NID2: variants seen among roughly 807,000 people sequenced by gnomAD.
The protein encoded by NID2 is nidogen 2, also known as nidogen-2.
A neutral mutation model predicts 145.4 loss-of-function variants in NID2; 83 were observed. The ratio of observed to expected loss-of-function variants is 0.57; its 90% CI spans 0.48 to 0.69. The LOEUF (loss-of-function observed/expected upper bound fraction) is 0.69, where lower values mean the gene tolerates loss of function less well. Among genes scored for constraint, NID2 ranks in the 30% least tolerant of loss-of-function variants. NID2 has a pLI of 0.00. For missense variants in NID2, 1,807 were observed against 1,765.7 expected, an observed-to-expected ratio of 1.02 and a Z score of -0.42; for synonymous variants, 739 against 701.3, an observed-to-expected ratio of 1.05 and a Z score of -0.85.
At chr14:52,016,193 C>G (rs1182502866) in intron 14 of NID2, among the ~76,000 whole-genome samples, 1 of 152,166 alleles carries the variant, frequency 6.6e-6, no homozygotes, top group South Asian at 2.1e-4. Context: ...ACAGGTTGTT[C>G]TGAGAAGACT....
At chr14:52,041,682 G>A (rs955411359) in intron 7 of NID2, among the ~76,000 whole-genome samples, 6 of 152,048 alleles carry the variant, frequency 3.9e-5, no homozygotes, top group African/African-American at 1.2e-4. Flanking sequence ...GGGGTGCACC[G>A]GCCTATACTA....
chr14:52,013,611 C>T (rs942356854), intron 16 of NID2, among the ~76,000 whole-genome samples: 44 of 152,072 alleles, frequency 2.9e-4, no homozygotes, highest in African/African-American at 9.9e-4. Context: ...GACAGCCACC[C>T]TTTTTTTTCC....
chr14:52,017,501 C>A (rs1829486308), intron 14 of NID2, among the ~76,000 whole-genome samples: 1 of 152,086 alleles, frequency 6.6e-6, no homozygotes, highest in South Asian at 2.1e-4. Context: ...TCGTCATTCA[C>A]TTCTCAGTCT....
intron 9 of NID2, among the ~76,000 whole-genome samples, chr14:52,035,211 T>C (rs1892011890): frequency 6.6e-6 from 1 of 152,144 alleles, no homozygotes; most frequent in Admixed American, 6.5e-5. Flanking sequence ...ATAACCAACA[T>C]TACAATATCA....
chr14:52,017,818 C>CT (rs1891266848), intron 14 of NID2, among the ~76,000 whole-genome samples: 1 of 150,882 alleles, frequency 6.6e-6, no homozygotes, highest in South Asian at 2.1e-4. Flanking sequence ...AAGACCTGAC[C>CT]TTTTTTTAAA....
chr14:52,027,245 C>T lies in NID2; in HGVS notation c.2630G>A (p.Cys877Tyr). 1 of 1,586,060 alleles carries T rather than the reference C, an allele frequency of 6.3e-7. No homozygotes were observed. Among genetic ancestry groups the T allele is most frequent in the Non-Finnish European group, 8.6e-7 (1 of 1,166,664 alleles). Reference protein sequence around the residue: ...CVHHGGSTFSCACLPGYAGDG... With the variant: ...CVHHGGSTFSYACLPGYAGDG... ...GCCGGCATAACCAGGCAGGCAGGCA[C>T]AGCTGAACGTGCTGCCTCCATGGTG... The change falls in exon 12 of 22, where the codon TGT becomes TAT. Residue 877 changes from cysteine to tyrosine, a missense_variant. Cys to Tyr is a radical substitution (Grantham distance 194). Transcript: ENST00000216286.
intron 9 of NID2, among the ~76,000 whole-genome samples, chr14:52,031,835 C>T (rs1462231618): frequency 3.9e-5 from 6 of 152,360 alleles, no homozygotes; most frequent in African/African-American, 1.4e-4. Context: ...ACTGAGCCTT[C>T]AATGAGGACA....
At chr14:52,060,381 AGAG>A (rs1892989234) in intron 2 of NID2, 25 bp from the exon 3 acceptor site, 31 of 1,078,092 alleles carry the variant, frequency 2.9e-5, no homozygotes, top group East Asian at 5.8e-5. Flanking sequence ...AAAAAAAAAG[AGAG>A]AGAGAGAGAG....
chr14:52,067,409 ACT>A (rs1168375009), intron 2 of NID2, among the ~76,000 whole-genome samples: 6 of 152,072 alleles, frequency 3.9e-5, no homozygotes, highest in Admixed American at 2.6e-4. Context: ...AGAAGAAAAA[ACT>A]CTGAAAATGT....
chr14:52,060,428 A>G, intron 2 of NID2, 72 bp from the exon 3 acceptor site: 1 of 838,208 alleles, frequency 1.2e-6, no homozygotes. Context: ...TAAAAGAAGA[A>G]AGAAACAGAA....
intron 12 of NID2, among the ~76,000 whole-genome samples, chr14:52,023,331 G>C (rs1891467212): frequency 7.7e-6 from 1 of 129,958 alleles, no homozygotes; most frequent in South Asian, 2.4e-4. Flanking sequence ...ACCAAAATTA[G>C]CTGGGCATGC....
At chr14:52,037,709 T>A (rs183370041) in intron 9 of NID2, among the ~76,000 whole-genome samples, 36 of 152,338 alleles carry the variant, frequency 2.4e-4, no homozygotes, top group Non-Finnish European at 2.9e-5. Flanking sequence ...CTGATAGGGA[T>A]TATGTTGAAT....
intron 9 of NID2, among the ~76,000 whole-genome samples, 158 bp downstream of exon 9, chr14:52,038,589 C>G (rs1382459249): frequency 2.6e-5 from 4 of 151,658 alleles, no homozygotes; most frequent in African/African-American, 9.7e-5. Context: ...TTTTCTGCCT[C>G]TGTTTCCAAC....
intron 5 of NID2, among the ~76,000 whole-genome samples, chr14:52,053,354 A>T (rs751500149): frequency 1.3e-5 from 2 of 152,180 alleles, no homozygotes; most frequent in Non-Finnish European, 2.9e-5. Context: ...CATATTTTAA[A>T]AAAACATTAT....
Position 52,035,856 on chromosome 14 carries a change from GTATATATATA to G in NID2, c.2257+2881_2257+2890del, listed in dbSNP as rs60735637. ...ACCACACCTGGCTAAATTTTTTTGT[GTATATATATA>G]TATATATATATATGTTTTATTTTGT... On this transcript the variant is annotated intron_variant, in intron 9 of 21. Coordinates refer to ENST00000216286, the MANE Select transcript of NID2 (RefSeq NM_007361.4). Among the ~76,000 whole-genome samples, 5 of 65,294 alleles carry G rather than the reference GTATATATATA, an allele frequency of 7.7e-5. 1 individual carries two copies. The highest frequency in any genetic ancestry group is 5.1e-4 in the South Asian group (1 of 1,952). The allele number at this position is 65,294 out of a possible 152,430, so 42.8% of individuals were successfully genotyped here.
chr14:52,005,807 A>G lies in NID2; in HGVS notation c.4047T>C (p.Thr1349=). Residue 1349 remains threonine (T), a synonymous_variant, in exon 21 of 22, where the codon ACT becomes ACC. Coordinates refer to ENST00000216286, the MANE Select transcript of NID2 (RefSeq NM_007361.4). The part of the protein sequence containing the change: ...VSVNKHSGQF[T]DEYLPEQRSH... ...ATCGTTGTTCTGGGAGATACTCATC[A>G]GTAAACTGGCCACTATGTTTATTTA... The G allele has an allele frequency of 6.2e-7, 1 of 1,613,926 alleles. No homozygotes were observed. The highest frequency in any genetic ancestry group is 8.5e-7 in the Non-Finnish European group (1 of 1,179,780).
At chr14:52,019,625 G>GT (rs1234770125) in intron 13 of NID2, among the ~76,000 whole-genome samples, 1 of 151,928 alleles carries the variant, frequency 6.6e-6, no homozygotes, top group Non-Finnish European at 1.5e-5. Flanking sequence ...AGGCCCACAG[G>GT]TTAAGTCTGA....
chr14:52,066,230 T>C (rs1381808087), intron 2 of NID2, among the ~76,000 whole-genome samples: 1 of 150,578 alleles, frequency 6.6e-6, no homozygotes, highest in African/African-American at 2.5e-5. Context: ...ATTTAAAGAG[T>C]CCTTATGCAA....
Position 52,015,176 on chromosome 14 carries a change from CACTGGGGCACGT to C in NID2, c.3116_3127del (p.Tyr1039_Gln1042del). On this transcript the variant is annotated inframe_deletion, in exon 15 of 22. Transcript: ENST00000216286. ...GGGGATGAAGTGGCCCAGGTCATCG[CACTGGGGCACGT>C]ACTGGTCATCCCGGGGGGTGCCACC... The C allele has an allele frequency of 6.2e-7, 1 of 1,614,026 alleles. No homozygotes were observed. The highest frequency in any genetic ancestry group is 8.5e-7 in the Non-Finnish European group (1 of 1,179,970).
Sources: allele counts gnomAD v4.1 joint callset (sites outside exome capture counted in the v4.1 genomes callset), GRCh38; gene constraint gnomAD v4.1.1; transcripts MANE v1.5; gene names NCBI Gene and HGNC (gene_info 2026-07-23, HGNC 2026-07-21).